Variants in DPH5 observed in about 807,000 individuals in gnomAD.
DPH5 encodes diphthine methyl ester synthase.
In DPH5, 31 loss-of-function variants were observed where a neutral mutation model predicts 31.6. The observed-to-expected ratio is 0.98, with a 90% CI of 0.74 to 1.32. DPH5 has a LOEUF of 1.32. Among genes scored for constraint, DPH5 ranks in the 40% most tolerant of loss-of-function variants. DPH5 has a pLI of 0.00. For missense variants in DPH5, 309 were observed against 335.7 expected (o/e 0.92, Z 0.62); for synonymous variants, 120 against 115.0 (o/e 1.04, Z -0.28).
chr1:101,022,383 T>C (rs1660518946), intron 2 of DPH5, among the ~76,000 whole-genome samples: 1 of 152,354 alleles, frequency 6.6e-6, no homozygotes, highest in East Asian at 1.9e-4. Flanking sequence ...ATTCTAAATA[T>C]GTAGGAAGTT....
intron 5 of DPH5, among the ~76,000 whole-genome samples, chr1:100,997,548 G>A (rs1355005106): frequency 6.6e-6 from 1 of 152,084 alleles, no homozygotes; most frequent in Non-Finnish European, 1.5e-5. Flanking sequence ...TGTATTTTTA[G>A]TAGAGATGGG....
chr1:101,025,266 G>A, intron 2 of DPH5, 43 bp downstream of exon 2: 2 of 1,607,558 alleles, frequency 1.2e-6, no homozygotes, highest in Non-Finnish European at 1.7e-6. Flanking sequence ...TCAGATGTTA[G>A]ATAGCTTTCT....
chr1:101,007,274 C>T (rs1223979554), intron 4 of DPH5, among the ~76,000 whole-genome samples: 1 of 152,070 alleles, frequency 6.6e-6, no homozygotes, highest in Admixed American at 6.5e-5. Flanking sequence ...CTCAATATAT[C>T]TTCCTAATTT....
At chr1:101,003,046 T>C (rs753261860) in intron 4 of DPH5, among the ~76,000 whole-genome samples, 1 of 152,176 alleles carries the variant, frequency 6.6e-6, no homozygotes, top group African/African-American at 2.4e-5. Flanking sequence ...ACCAACAAGG[T>C]TTACTCCCAA....
chr1:100,992,808 T>A, intron 6 of DPH5, 68 bp from the exon 7 acceptor site: 1 of 1,093,492 alleles, frequency 9.1e-7, no homozygotes, highest in Non-Finnish European at 1.4e-6. Context: ...TTAATGCAAT[T>A]AGCTCTCCCA....
chr1:101,012,422 T>C lies in DPH5; in HGVS notation c.369+1288A>G, dbSNP rs75079302. 4.0e-3 allele frequency among the ~76,000 whole-genome samples: 605 copies of C among 152,300 alleles called. 3 individuals carry two copies. The highest frequency in any genetic ancestry group is 7.1e-3 in the Non-Finnish European group (483 of 68,006). ...AGAACCCATGACTGTACTCTCTCCC[T>C]TGGACACCCCCAGAAGGGAAGAATA... On this transcript the variant is annotated intron_variant, in intron 4 of 7. Transcript: ENST00000370109.
At chr1:100,991,713 C>T (rs539092880) in intron 7 of DPH5, among the ~76,000 whole-genome samples, 5 of 146,070 alleles carry the variant, frequency 3.4e-5, no homozygotes, top group South Asian at 2.1e-4. Context: ...GGCTTGAGCC[C>T]GGGAGGCAGA....
At chr1:101,011,901 T>TC (rs1447491935) in intron 4 of DPH5, among the ~76,000 whole-genome samples, 1 of 147,448 alleles carries the variant, frequency 6.8e-6, no homozygotes, top group African/African-American at 2.5e-5. Flanking sequence ...AATTCTTTTT[T>TC]TTTTTTTTTT....
Position 101,001,375 on chromosome 1 carries a change from A to G in DPH5, c.490+92T>C, listed in dbSNP as rs969158549. On this transcript the variant is annotated intron_variant, in intron 5 of 7. Coordinates refer to ENST00000370109, the MANE Select transcript of DPH5 (RefSeq NM_015958.3). ...CTAGACTGTGTCTTTTCTTACCTCT[A>G]GCTAATTATCCACAGACCTTAACAC... 8.1e-5 allele frequency: 106 copies of G among 1,310,088 alleles called. No individual in the cohort carries two copies. In the African/African-American group the frequency reaches 1.5e-3, roughly 18 times the overall value. 81.2% of individuals were successfully genotyped at this position (1,310,088 alleles called of 1,614,324 possible).
At position 101,021,638 on chromosome 1, in the gene DPH5, T is replaced by C. The variant is rs772611852; in HGVS notation, c.260+3A>G. 1.2e-6 allele frequency: 2 copies of C among 1,611,478 alleles called. No individual in the cohort carries two copies. Among genetic ancestry groups the C allele is most frequent in the Non-Finnish European group, 1.7e-6 (2 of 1,178,476 alleles). Reference sequence around the variant, plus strand: ...AAAACTCAAAATATCTGCCTTGACTTACCCAAATGGATCACCAACCACAAG... The same window carrying C: ...AAAACTCAAAATATCTGCCTTGACTCACCCAAATGGATCACCAACCACAAG... On this transcript the variant is annotated splice_donor_region_variant and intron_variant, in intron 3 of 7. Coordinates refer to ENST00000370109, the MANE Select transcript of DPH5 (RefSeq NM_015958.3).
chr1:100,994,554 T>C (rs1046777164), intron 6 of DPH5, among the ~76,000 whole-genome samples: 8 of 151,708 alleles, frequency 5.3e-5, no homozygotes, highest in Non-Finnish European at 1.2e-4. Flanking sequence ...TTTTTTTTTT[T>C]CTCACTCTGT....
At chr1:101,019,139 T>G (rs1660281619) in intron 3 of DPH5, among the ~76,000 whole-genome samples, 1 of 152,220 alleles carries the variant, frequency 6.6e-6, no homozygotes, top group Non-Finnish European at 1.5e-5. Flanking sequence ...TAAAGACTTC[T>G]TATGCAGAGA....
chr1:100,990,475 A>G lies in DPH5; in HGVS notation c.791T>C (p.Met264Thr), dbSNP rs200190622. The change falls in exon 8 of 8, where the codon ATG (methionine) becomes ACG (threonine). Residue 264 changes from methionine (M) to threonine (T), a missense_variant. Coordinates refer to ENST00000370109, the MANE Select transcript of DPH5 (RefSeq NM_015958.3). ...ITGGSIHPME[M>T]EMLSLFSIPE... ...TATGGAAAACAGACTTAGCATCTCCATCTCCATTGGATGTATGCTGCCTCC... is the reference window on the plus strand; with the variant it reads ...TATGGAAAACAGACTTAGCATCTCCGTCTCCATTGGATGTATGCTGCCTCC... 6.2e-7 allele frequency: 1 copy of G among 1,614,046 alleles called. No homozygotes were observed. Among genetic ancestry groups the G allele is most frequent in the African/African-American group, 1.3e-5 (1 of 74,916 alleles).
At chr1:101,020,109 G>A (rs1660341269) in intron 3 of DPH5, among the ~76,000 whole-genome samples, 1 of 152,084 alleles carries the variant, frequency 6.6e-6, no homozygotes, top group East Asian at 1.9e-4. Flanking sequence ...TTTGAGCATG[G>A]GAGCAATTAA....
intron 4 of DPH5, among the ~76,000 whole-genome samples, chr1:101,006,203 G>A (rs1219545815): frequency 6.6e-6 from 1 of 152,120 alleles, no homozygotes; most frequent in Non-Finnish European, 1.5e-5. Context: ...CAATTTCCCA[G>A]TCTTGGGTAT....
At chr1:101,004,558 T>C (rs1659087949) in intron 4 of DPH5, among the ~76,000 whole-genome samples, 1 of 152,190 alleles carries the variant, frequency 6.6e-6, no homozygotes, top group South Asian at 2.1e-4. Flanking sequence ...TAACTTATAT[T>C]GGATTATGTT....
rs1558028445 is a variant in DPH5, at chr1:100,990,369, TG to T, written c.*38del. On this transcript the variant is annotated 3_prime_UTR_variant, in exon 8 of 8. Coordinates refer to ENST00000370109, the MANE Select transcript of DPH5 (RefSeq NM_015958.3). ...CATCCAAACCATATCAATCCATATA[TG>T]GCTGAAATTTACATCAGACAATGGT... The T allele has an allele frequency of 1.3e-6, 2 of 1,587,232 alleles. No individual in the cohort carries two copies. Among genetic ancestry groups the T allele is most frequent in the Admixed American group, 3.3e-5 (2 of 59,978 alleles).
At position 101,021,775 on chromosome 1, in the gene DPH5, T is replaced by C. The variant is rs374046437; in HGVS notation, c.136-10A>G. 8.1e-6 allele frequency: 13 copies of C among 1,608,290 alleles called. No homozygotes were observed. Among genetic ancestry groups the C allele is most frequent in the Admixed American group, 1.7e-5 (1 of 59,648 alleles). ...TTCCATAAAACTCTTCCTACAGATA[T>C]AAGTCCAATATCAAGATAAAGAGAC... On this transcript the variant is annotated splice_polypyrimidine_tract_variant and intron_variant, in intron 2 of 7. Coordinates refer to ENST00000370109, the MANE Select transcript of DPH5 (RefSeq NM_015958.3).
chr1:101,019,837 A>G (rs1187664489), intron 3 of DPH5, among the ~76,000 whole-genome samples: 1 of 152,162 alleles, frequency 6.6e-6, no homozygotes, highest in Admixed American at 6.5e-5. Flanking sequence ...AATGGAAAAA[A>G]AAAAGGCACT....
Sources: gnomAD v4.1 joint callset for allele counts (sites outside exome capture counted in the v4.1 genomes callset) on GRCh38, gnomAD v4.1.1 for gene constraint, MANE v1.5 for transcripts, NCBI Gene and HGNC (gene_info 2026-07-23, HGNC 2026-07-21) for gene names.